The following TMEM108 variants were observed in gnomAD, a reference collection of about 807,000 sequenced individuals.
TMEM108 encodes the protein cancer/testis antigen 124.
TMEM108 carries 12 observed loss-of-function variants against 35.1 expected under a neutral mutation model. The ratio of observed to expected loss-of-function variants is 0.34; its 90% confidence interval spans 0.22 to 0.55. TMEM108 has a LOEUF of 0.55. Among genes scored for constraint, TMEM108 ranks in the 20% least tolerant of loss-of-function variants. The pLI, the probability that TMEM108 is intolerant of heterozygous loss-of-function variation, is 0.89. For synonymous variants in TMEM108, 287 were observed against 308.6 expected (o/e 0.93, Z 0.73); for missense variants, 680 against 753.3 (o/e 0.90, Z 1.14).
intron 3 of TMEM108, among the ~76,000 whole-genome samples, chr3:133,333,666 T>C (rs2071431983): frequency 3.3e-5 from 5 of 152,174 alleles, no homozygotes; most frequent in Admixed American, 2.6e-4. Flanking sequence ...AGAGTTGAAA[T>C]AGAGAAGTAA....
At chr3:133,051,020 G>T (rs1248265976) in intron 2 of TMEM108, among the ~76,000 whole-genome samples, 1 of 151,516 alleles carries the variant, frequency 6.6e-6, no homozygotes, top group African/African-American at 2.4e-5. Context: ...ACTCCTTTGG[G>T]AACATTCCAA....
chr3:133,165,207 G>A (rs146603063), intron 2 of TMEM108, among the ~76,000 whole-genome samples: 3 of 152,310 alleles, frequency 2.0e-5, no homozygotes, highest in Admixed American at 6.5e-5. Context: ...CAGAGTGGCT[G>A]TAAGGCATGG....
At chr3:133,145,464 A>G (rs1944704750) in intron 2 of TMEM108, among the ~76,000 whole-genome samples, 1 of 152,140 alleles carries the variant, frequency 6.6e-6, no homozygotes, top group African/African-American at 2.4e-5. Context: ...TTGGTTCCGT[A>G]TGGAATTTAA....
At chr3:133,179,979 A>G (rs1299974474) in intron 2 of TMEM108, among the ~76,000 whole-genome samples, 1 of 152,064 alleles carries the variant, frequency 6.6e-6, no homozygotes, top group Non-Finnish European at 1.5e-5. Flanking sequence ...AAAACATATA[A>G]CTTAAAATAT....
chr3:133,202,746 T>G (rs906393383), intron 2 of TMEM108, among the ~76,000 whole-genome samples: 1 of 152,208 alleles, frequency 6.6e-6, no homozygotes, highest in Non-Finnish European at 1.5e-5. Context: ...AGCTTTATTC[T>G]TTTTGCTTAG....
intron 2 of TMEM108, among the ~76,000 whole-genome samples, chr3:133,175,384 GT>G (rs1237799084): frequency 6.6e-6 from 1 of 151,752 alleles, no homozygotes; most frequent in Non-Finnish European, 1.5e-5. Flanking sequence ...TCAGATTCAA[GT>G]TGAAATGAGG....
chr3:133,066,514 C>G (rs2107685979), intron 2 of TMEM108, among the ~76,000 whole-genome samples: 1 of 152,154 alleles, frequency 6.6e-6, no homozygotes, highest in East Asian at 1.9e-4. Context: ...GATATTCATG[C>G]TTTTGCATGG....
intron 2 of TMEM108, among the ~76,000 whole-genome samples, chr3:133,170,513 A>G (rs1026515455): frequency 2.6e-5 from 4 of 152,214 alleles, no homozygotes; most frequent in African/African-American, 9.6e-5. Flanking sequence ...CAAAATTTTA[A>G]TTGTAAAAAT....
intron 2 of TMEM108, among the ~76,000 whole-genome samples, chr3:133,085,859 C>CA (rs1471454137): frequency 6.6e-6 from 1 of 151,502 alleles, no homozygotes; most frequent in Non-Finnish European, 1.5e-5. Flanking sequence ...ATCAATGTAC[C>CA]ATTTGAGATT....
At chr3:133,212,152 A>G (rs1945841884) in intron 2 of TMEM108, among the ~76,000 whole-genome samples, 1 of 152,144 alleles carries the variant, frequency 6.6e-6, no homozygotes, top group African/African-American at 2.4e-5. Context: ...AAAAGTGCCC[A>G]TGTACATTTC....
At chr3:133,273,407 A>G (rs1420576973) in intron 3 of TMEM108, among the ~76,000 whole-genome samples, 2 of 152,134 alleles carry the variant, frequency 1.3e-5, no homozygotes, top group Non-Finnish European at 2.9e-5. Flanking sequence ...CCATCACTTA[A>G]GAAGTATAGC....
chr3:133,148,896 C>G (rs1944758637), intron 2 of TMEM108, among the ~76,000 whole-genome samples: 2 of 152,150 alleles, frequency 1.3e-5, no homozygotes, highest in South Asian at 4.1e-4. Context: ...ACTCAGGAGG[C>G]TGAGGTCAGG....
At chr3:133,043,170 A>C (rs141560610) in intron 1 of TMEM108, among the ~76,000 whole-genome samples, 1 of 152,216 alleles carries the variant, frequency 6.6e-6, no homozygotes, top group African/African-American at 2.4e-5. Flanking sequence ...GGACTCCCCA[A>C]CATCTCTCTG....
chr3:133,392,060 C>T (rs1390772655), intron 5 of TMEM108, among the ~76,000 whole-genome samples: 1 of 152,176 alleles, frequency 6.6e-6, no homozygotes, highest in Non-Finnish European at 1.5e-5. Flanking sequence ...TCTCCCCCAG[C>T]TCCCATTACT....
chr3:133,220,900 C>T (rs955420202), intron 2 of TMEM108, among the ~76,000 whole-genome samples: 2 of 152,176 alleles, frequency 1.3e-5, no homozygotes, highest in Non-Finnish European at 2.9e-5. Context: ...TAGAGTGGCT[C>T]ATAGAGCTCA....
chr3:133,258,424 G>A (rs1330874323), intron 3 of TMEM108, among the ~76,000 whole-genome samples: 1 of 152,202 alleles, frequency 6.6e-6, no homozygotes, highest in Non-Finnish European at 1.5e-5. Context: ...CATGTGGTGG[G>A]CCCAGGCTGA....
intron 5 of TMEM108, among the ~76,000 whole-genome samples, chr3:133,394,852 A>G (rs1247449565): frequency 1.3e-5 from 2 of 152,232 alleles, no homozygotes; most frequent in Non-Finnish European, 2.9e-5. Context: ...TCTGTTATGT[A>G]TGTTTTGTTT....
chr3:133,107,038 A>AT (rs979057904), intron 2 of TMEM108, among the ~76,000 whole-genome samples: 10 of 152,184 alleles, frequency 6.6e-5, no homozygotes, highest in Non-Finnish European at 1.0e-4. Context: ...ATTGTAAAAA[A>AT]CTTGCCTGCC....
At chr3:133,220,147 G>C (rs1261337807) in intron 2 of TMEM108, among the ~76,000 whole-genome samples, 1 of 147,986 alleles carries the variant, frequency 6.8e-6, no homozygotes, top group Admixed American at 6.8e-5. Context: ...TAGTTACCCT[G>C]CTCTCTTTTT....
Sources: gnomAD v4.1 joint callset for allele counts (sites outside exome capture counted in the v4.1 genomes callset) on GRCh38, gnomAD v4.1.1 for gene constraint, MANE v1.5 for transcripts, NCBI Gene and HGNC (gene_info 2026-07-23, HGNC 2026-07-21) for gene names.